Variants in OPCML observed in about 807,000 individuals in gnomAD.
OPCML encodes the protein opioid-binding protein/cell adhesion molecule.
Under a neutral mutation model 37.8 loss-of-function variants are expected in OPCML, and 13 were observed. That is an observed-to-expected ratio of 0.34 (90% CI 0.22 to 0.55). The LOEUF (loss-of-function observed/expected upper bound fraction) is 0.55. Ranked by LOEUF, OPCML falls within the 20% of genes least tolerant of loss-of-function variation. The pLI, the probability that OPCML is intolerant of heterozygous loss-of-function variation, is 0.91. For synonymous variants in OPCML, 176 were observed against 168.8 expected (o/e 1.04, Z -0.33); for missense variants, 341 against 435.6 (o/e 0.78, Z 1.93).
At chr11:132,488,505 G>A (rs2096206777) in intron 4 of OPCML, among the ~76,000 whole-genome samples, 1 of 152,154 alleles carries the variant, frequency 6.6e-6, no homozygotes, top group African/African-American at 2.4e-5. Context: ...TAGCCTGAAA[G>A]ATGAAAAGGT....
At chr11:133,204,876 A>ATATATATATATGTGTG (rs1565502187) in intron 1 of OPCML, among the ~76,000 whole-genome samples, 3 of 30,024 alleles carry the variant, frequency 1.0e-4, no homozygotes, top group African/African-American at 5.0e-4. Context: ...GTGTATATAT[A>ATATATATATATGTGTG]TATATATATA....
At position 133,070,839 on chromosome 11, in the gene OPCML, G is replaced by A. The variant is rs73588576; in HGVS notation, c.62-127829C>T. Among the ~76,000 whole-genome samples the A allele has an allele frequency of 7.1e-3, 1,080 of 152,216 alleles. 11 individuals carry two copies. The highest frequency in any genetic ancestry group is 0.022 in the African/African-American group (929 of 41,530). ...GGGGGTCAAGCGATGTTGGTTCCTC[G>A]GACTCTGTCAGGACCACACCTGGGC... On this transcript the variant is annotated intron_variant, in intron 1 of 7. Coordinates refer to ENST00000524381, the MANE Select transcript of OPCML (RefSeq NM_001012393.5).
intron 1 of OPCML, among the ~76,000 whole-genome samples, chr11:133,096,769 A>C (rs963224954): frequency 6.6e-6 from 1 of 152,116 alleles, no homozygotes; most frequent in African/African-American, 2.4e-5. Context: ...ATCTGAAATT[A>C]GAGCAAGGTA....
At chr11:132,699,654 A>C (rs1943732756) in intron 2 of OPCML, among the ~76,000 whole-genome samples, 1 of 152,088 alleles carries the variant, frequency 6.6e-6, no homozygotes, top group Non-Finnish European at 1.5e-5. Context: ...ATAATTATTA[A>C]TTTGCATATG....
At chr11:133,149,363 C>T (rs1196083327) in intron 1 of OPCML, among the ~76,000 whole-genome samples, 1 of 152,132 alleles carries the variant, frequency 6.6e-6, no homozygotes, top group Non-Finnish European at 1.5e-5. Flanking sequence ...CCATATATTT[C>T]CCCCTGCAAA....
intron 1 of OPCML, among the ~76,000 whole-genome samples, chr11:133,193,030 T>C (rs1565495667): frequency 6.6e-6 from 1 of 152,150 alleles, no homozygotes; most frequent in African/African-American, 2.4e-5. Flanking sequence ...AAAATAACCA[T>C]GGGTACAAAG....
At chr11:132,866,382 T>A (rs1391015480) in intron 2 of OPCML, among the ~76,000 whole-genome samples, 2 of 152,216 alleles carry the variant, frequency 1.3e-5, no homozygotes, top group African/African-American at 4.8e-5. Flanking sequence ...TGGATACACC[T>A]TGGCTATGTC....
chr11:132,563,149 C>T (rs181149350), intron 3 of OPCML, among the ~76,000 whole-genome samples: 16 of 152,184 alleles, frequency 1.1e-4, no homozygotes, highest in African/African-American at 3.1e-4. Flanking sequence ...TTTAAGCCAT[C>T]GTTAACACCC....
chr11:133,181,200 G>A (rs1937813753), intron 1 of OPCML, among the ~76,000 whole-genome samples: 1 of 152,264 alleles, frequency 6.6e-6, no homozygotes, highest in East Asian at 1.9e-4. Context: ...TCATTGTGGT[G>A]TTAAACTCAG....
intron 3 of OPCML, among the ~76,000 whole-genome samples, chr11:132,611,317 C>T (rs532922272): frequency 2.0e-5 from 3 of 152,050 alleles, no homozygotes; most frequent in Non-Finnish European, 4.4e-5. Flanking sequence ...TGGAATGCAC[C>T]CCCCAGCACC....
intron 3 of OPCML, among the ~76,000 whole-genome samples, chr11:132,594,841 A>G (rs1328402589): frequency 1.3e-5 from 2 of 152,238 alleles, no homozygotes; most frequent in Admixed American, 6.5e-5. Context: ...CACTTATTTT[A>G]TACATAAAAG....
intron 1 of OPCML, among the ~76,000 whole-genome samples, chr11:133,210,423 C>G (rs76888653): frequency 6.6e-6 from 1 of 152,104 alleles, no homozygotes; most frequent in African/African-American, 2.4e-5. Flanking sequence ...TCCCAGGTTG[C>G]CCCACTGCAG....
chr11:132,904,374 C>T lies in OPCML; in HGVS notation c.146+38552G>A, dbSNP rs114942599. 7.0e-3 allele frequency among the ~76,000 whole-genome samples: 1,068 copies of T among 152,008 alleles called. 13 individuals carry two copies. The highest frequency in any genetic ancestry group is 0.024 in the African/African-American group (1,013 of 41,378). On this transcript the variant is annotated intron_variant, in intron 2 of 7. Transcript: ENST00000524381. ...CATAATAAAAAAATCTAAATAACAACAGCAGCAGCTAAATTATTTCTCCAT... is the reference window on the plus strand; with the variant it reads ...CATAATAAAAAAATCTAAATAACAATAGCAGCAGCTAAATTATTTCTCCAT...
intron 7 of OPCML, 26 bp from the exon 8 acceptor site, chr11:132,420,319 C>T (rs1185171448): frequency 1.2e-6 from 2 of 1,612,078 alleles, no homozygotes; most frequent in South Asian, 2.2e-5. Flanking sequence ...AGAGACAGAC[C>T]CATTAGCATA....
intron 1 of OPCML, among the ~76,000 whole-genome samples, chr11:133,027,508 A>G (rs1223316578): frequency 6.9e-6 from 1 of 143,892 alleles, no homozygotes; most frequent in Non-Finnish European, 1.5e-5. Flanking sequence ...GTGTGTGTGT[A>G]GTGCGGTGTG....
intron 1 of OPCML, among the ~76,000 whole-genome samples, chr11:133,049,005 C>T (rs1222986928): frequency 3.9e-5 from 6 of 152,180 alleles, no homozygotes; most frequent in Non-Finnish European, 8.8e-5. Context: ...TTAAGCATTA[C>T]TATTTATACA....
intron 1 of OPCML, among the ~76,000 whole-genome samples, chr11:133,505,916 G>A (rs1317812587): frequency 6.6e-6 from 1 of 152,146 alleles, no homozygotes; most frequent in Non-Finnish European, 1.5e-5. Context: ...CAAATGAGCT[G>A]AGGACTAGGA....
intron 1 of OPCML, among the ~76,000 whole-genome samples, chr11:133,109,059 C>T (rs1253110523): frequency 1.3e-5 from 2 of 152,130 alleles, no homozygotes; most frequent in Admixed American, 1.3e-4. Context: ...TTCCTGGCCG[C>T]TCTTTCTATT....
chr11:133,219,556 C>T (rs960743436), intron 1 of OPCML, among the ~76,000 whole-genome samples: 3 of 152,202 alleles, frequency 2.0e-5, no homozygotes, highest in Admixed American at 2.0e-4. Flanking sequence ...CTTGTTGAAA[C>T]ATAATCCATC....
Sources: allele counts gnomAD v4.1 joint callset (sites outside exome capture counted in the v4.1 genomes callset), GRCh38; gene constraint gnomAD v4.1.1; transcripts MANE v1.5; gene names NCBI Gene and HGNC (gene_info 2026-07-23, HGNC 2026-07-21).